Variants in EZH2 observed in about 807,000 individuals in gnomAD.
EZH2 encodes the protein enhancer of zeste 2 polycomb repressive complex 2 subunit, also known as histone-lysine N-methyltransferase EZH2.
In EZH2, 18 loss-of-function variants were observed where a neutral mutation model predicts 98.4. The ratio of observed to expected loss-of-function variants is 0.18; its 90% CI spans 0.13 to 0.27. The LOEUF (loss-of-function observed/expected upper bound fraction) is 0.27. Ranked by LOEUF, EZH2 falls within the 10% of genes least tolerant of loss-of-function variation. The pLI, the probability that EZH2 is intolerant of heterozygous loss-of-function variation, is 1.00. For synonymous variants in EZH2, 338 were observed against 312.3 expected (o/e 1.08, Z -0.87); for missense variants, 470 against 935.1 (o/e 0.50, Z 6.49).
chr7:148,843,196 G>GA (rs1182448293), intron 3 of EZH2, among the ~76,000 whole-genome samples: 2 of 125,860 alleles, frequency 1.6e-5, no homozygotes, highest in Non-Finnish European at 3.3e-5. Flanking sequence ...CAACAAGAAC[G>GA]AAACTCCGTC....
chr7:148,877,490 G>T (rs2129494396), intron 1 of EZH2, among the ~76,000 whole-genome samples: 1 of 152,306 alleles, frequency 6.6e-6, no homozygotes, highest in African/African-American at 2.4e-5. Context: ...GCCAGGTACA[G>T]TTCTAAGGAT....
At chr7:148,859,488 G>C (rs1001848766) in intron 1 of EZH2, among the ~76,000 whole-genome samples, 1 of 146,174 alleles carries the variant, frequency 6.8e-6, no homozygotes, top group Admixed American at 7.1e-5. Flanking sequence ...GGGCAACAGA[G>C]CAAGACTCTG....
At chr7:148,882,510 A>G (rs982015190) in intron 1 of EZH2, among the ~76,000 whole-genome samples, 6 of 152,236 alleles carry the variant, frequency 3.9e-5, no homozygotes, top group African/African-American at 1.4e-4. Context: ...GAAAATTAAA[A>G]TATATCTTAA....
chr7:148,829,606 A>G lies in EZH2; in HGVS notation c.484+122T>C, dbSNP rs1458184281. The G allele has an allele frequency of 6.5e-6, 7 of 1,077,414 alleles. No homozygotes were observed. In the African/African-American group the frequency reaches 9.9e-5, roughly 15 times the overall value. 66.7% of individuals were successfully genotyped at this position (1,077,414 alleles called of 1,614,324 possible). ...GGCCTGGGCCCAGGTTCAGTCCCTT[A>G]TAGTTCAGTGCAAAACTTAATTTTA... On this transcript the variant is annotated intron_variant, in intron 5 of 19. Coordinates refer to ENST00000320356, the MANE Select transcript of EZH2 (RefSeq NM_004456.5).
At chr7:148,815,371 A>G in intron 13 of EZH2, 135 bp downstream of exon 13, 2 of 913,486 alleles carry the variant, frequency 2.2e-6, no homozygotes, top group Non-Finnish European at 3.5e-6. Context: ...GACGTCCTCC[A>G]TTCAAATTGG....
At chr7:148,842,101 A>C (rs1227724418) in intron 3 of EZH2, among the ~76,000 whole-genome samples, 2 of 152,194 alleles carry the variant, frequency 1.3e-5, no homozygotes, top group Non-Finnish European at 2.9e-5. Flanking sequence ...TTCATTAGTA[A>C]ACAAGATACA....
intron 1 of EZH2, among the ~76,000 whole-genome samples, chr7:148,853,114 A>AT (rs1816150349): frequency 6.6e-6 from 1 of 152,162 alleles, no homozygotes; most frequent in Non-Finnish European, 1.5e-5. Context: ...ATCATCAGGC[A>AT]TTAGTTAGAT....
chr7:148,811,883 C>T (rs1803180325), intron 15 of EZH2, 163 bp from the exon 16 acceptor site: 2 of 600,278 alleles, frequency 3.3e-6, no homozygotes, highest in East Asian at 2.8e-5. Flanking sequence ...GTGAAAGCTG[C>T]TGAGAATGGC....
intron 1 of EZH2, among the ~76,000 whole-genome samples, chr7:148,852,989 C>T (rs994884369): frequency 6.6e-6 from 1 of 152,194 alleles, no homozygotes; most frequent in African/African-American, 2.4e-5. Flanking sequence ...CTCCCATATA[C>T]TTTAAACCAG....
At chr7:148,836,985 A>C (rs1211566129) in intron 3 of EZH2, 4 of 499,252 alleles carry the variant, frequency 8.0e-6, no homozygotes, top group Middle Eastern at 3.0e-4. Context: ...CGTAGAGGGA[A>C]GAGCAGGTGA....
intron 3 of EZH2, among the ~76,000 whole-genome samples, chr7:148,841,236 G>A (rs1328797705): frequency 6.7e-6 from 1 of 149,192 alleles, no homozygotes; most frequent in East Asian, 2.0e-4. Flanking sequence ...ATTAGTTTCT[G>A]CTCACAAGAA....
Position 148,868,469 on chromosome 7 carries a change from C to T in EZH2, c.-8+15695G>A, listed in dbSNP as rs149847225. ...CAGATCTCACGAGAACTCACTGTCA[C>T]GAGAACTCACTGTCAGGAGAACAGC... On this transcript the variant is annotated intron_variant, in intron 1 of 19. Transcript: ENST00000320356. Among the ~76,000 whole-genome samples the T allele has an allele frequency of 6.7e-3, 1,021 of 152,238 alleles. 11 individuals are homozygous for T. The highest frequency in any genetic ancestry group is 0.022 in the African/African-American group (932 of 41,542).
intron 1 of EZH2, among the ~76,000 whole-genome samples, chr7:148,854,242 G>A (rs558421335): frequency 6.1e-5 from 9 of 148,652 alleles, no homozygotes; most frequent in Admixed American, 3.3e-4. Flanking sequence ...TCAGGAGATC[G>A]AGACTAACAC....
At chr7:148,858,105 A>G (rs931668647) in intron 1 of EZH2, among the ~76,000 whole-genome samples, 1 of 152,040 alleles carries the variant, frequency 6.6e-6, no homozygotes, top group Non-Finnish European at 1.5e-5. Context: ...ATTCTTGCTA[A>G]CAAGGTGAAA....
chr7:148,807,635 G>T lies in EZH2; in HGVS notation c.*11C>A. On this transcript the variant is annotated 3_prime_UTR_variant, in exon 20 of 20. Coordinates refer to ENST00000320356, the MANE Select transcript of EZH2 (RefSeq NM_004456.5). The stretch of plus-strand genomic sequence containing the variant: ...AGCTGTTTCAGAGGAGGGGGGAGGA[G>T]GTAGCAGATGTCAAGGGATTTCCAT... The T allele has an allele frequency of 6.3e-7, 1 of 1,590,760 alleles. No homozygotes were observed. The highest frequency in any genetic ancestry group is 8.6e-7 in the Non-Finnish European group (1 of 1,167,144).
intron 2 of EZH2, 61 bp from the exon 3 acceptor site, chr7:148,846,659 C>G: frequency 6.7e-7 from 1 of 1,493,830 alleles, no homozygotes; most frequent in Non-Finnish European, 9.2e-7. Flanking sequence ...AAATGTATAA[C>G]ACCTGTAAAG....
At chr7:148,863,800 A>G (rs1254550868) in intron 1 of EZH2, among the ~76,000 whole-genome samples, 1 of 152,226 alleles carries the variant, frequency 6.6e-6, no homozygotes, top group Non-Finnish European at 1.5e-5. Flanking sequence ...AGGCAGGAAC[A>G]AAGAGGTATT....
intron 3 of EZH2, among the ~76,000 whole-genome samples, chr7:148,842,926 C>T (rs866207830): frequency 2.0e-5 from 3 of 151,342 alleles, no homozygotes; most frequent in Non-Finnish European, 3.0e-5. Flanking sequence ...AAAATTAGCC[C>T]GATGTGCTCG....
At chr7:148,863,103 A>T (rs1312109681) in intron 1 of EZH2, among the ~76,000 whole-genome samples, 1 of 150,858 alleles carries the variant, frequency 6.6e-6, no homozygotes, top group Non-Finnish European at 1.5e-5. Context: ...AAAAAAAGAA[A>T]GAAAGAAAGA....
Sources: gnomAD v4.1 joint callset for allele counts (sites outside exome capture counted in the v4.1 genomes callset) on GRCh38, gnomAD v4.1.1 for gene constraint, MANE v1.5 for transcripts, NCBI Gene and HGNC (gene_info 2026-07-23, HGNC 2026-07-21) for gene names.